PNPLA6: variants seen among roughly 807,000 people sequenced by gnomAD.
PNPLA6 encodes the protein patatin like domain 6, lysophospholipase.
PNPLA6 carries 105 observed loss-of-function variants against 153.7 expected under a neutral mutation model. The ratio of observed to expected loss-of-function variants is 0.68; its 90% CI spans 0.58 to 0.80. The LOEUF (loss-of-function observed/expected upper bound fraction) is 0.80, where lower values mean the gene tolerates loss of function less well. PNPLA6 is among the 30% of genes least tolerant of loss of function. PNPLA6 has a pLI of 0.00. For synonymous variants in PNPLA6, 825 were observed against 822.2 expected, an observed-to-expected ratio of 1.00 and a Z score of -0.06; for missense variants, 1,423 against 1,919.3, an observed-to-expected ratio of 0.74 and a Z score of 4.83.
rs145668551 is a variant in PNPLA6, at chr19:7,546,287, G to A, written c.1608+3203G>A. On this transcript the variant is annotated intron_variant, in intron 13 of 31. Coordinates refer to ENST00000600737, the MANE Select transcript of PNPLA6 (RefSeq NM_001166114.2). The stretch of plus-strand genomic sequence containing the variant: ...ACAATATTTTTTGGGGGGGTGTAAT[G>A]GTTTTATTGAGCTATAATTCATGTA... 2.0e-4 allele frequency among the ~76,000 whole-genome samples: 31 copies of A among 152,174 alleles called. No homozygotes were observed. In the East Asian group the frequency reaches 6.0e-3, roughly 30 times the overall value.
Position 7,536,364 on chromosome 19 carries a change from C to T in PNPLA6, c.316-85C>T, listed in dbSNP as rs535538604. 1.1e-5 allele frequency: 16 copies of T among 1,406,212 alleles called. No individual in the cohort carries two copies. The Middle Eastern group carries it at 7.1e-4, about 62-fold the overall frequency. 87.1% of individuals were successfully genotyped at this position (1,406,212 alleles called of 1,614,324 possible). A position where few individuals can be genotyped will look rare whatever the true frequency, so the allele number is the denominator to read the frequency against. On this transcript the variant is annotated intron_variant, in intron 2 of 31. Transcript: ENST00000600737. ...TTCTTAGTGTCCGCCACCGCTCCTT[C>T]CTTGATGGAGACCCCCTGGATCCGT...
chr19:7,548,370 TAAAGA>T (rs1228752895), intron 13 of PNPLA6, among the ~76,000 whole-genome samples: 2 of 136,904 alleles, frequency 1.5e-5, no homozygotes, highest in East Asian at 4.4e-4. Flanking sequence ...AAAACCCCAC[TAAAGA>T]TAGCTGATGA....
intron 1 of PNPLA6, 21 bp from the exon 2 acceptor site, chr19:7,536,170 C>A (rs1279186423): frequency 6.4e-7 from 1 of 1,562,072 alleles, no homozygotes; most frequent in South Asian, 1.1e-5. Context: ...TCGGAGTGCC[C>A]CTGTCCCCAC....
At chr19:7,543,201 C>T (rs2146062589) in intron 13 of PNPLA6, 117 bp downstream of exon 13, 3 of 891,504 alleles carry the variant, frequency 3.4e-6, no homozygotes, top group Non-Finnish European at 5.5e-6. Context: ...TAGAAGCAGA[C>T]CTCTCTCATC....
rs370676290 is a variant in PNPLA6, at chr19:7,557,163, C to T, written c.3281-5C>T. 72 of 1,606,294 alleles carry T rather than the reference C, an allele frequency of 4.5e-5. No individual in the cohort carries two copies. The Admixed American group carries it at 1.1e-3, about 24-fold the overall frequency. On this transcript the variant is annotated splice_region_variant and splice_polypyrimidine_tract_variant and intron_variant, in intron 26 of 31. Transcript: ENST00000600737. ...GTGTTTGTGTCTGTGTGTCCCACCG[C>T]GCAGGCTCCCTGTGGCGGTACGTGC...
chr19:7,538,182 T>A (rs1013248869), intron 3 of PNPLA6, among the ~76,000 whole-genome samples: 1 of 151,788 alleles, frequency 6.6e-6, no homozygotes, highest in African/African-American at 2.4e-5. Context: ...CAATTATAAT[T>A]ATTATTATTA....
intron 3 of PNPLA6, among the ~76,000 whole-genome samples, chr19:7,538,327 T>C (rs576878299): frequency 2.0e-5 from 3 of 152,176 alleles, no homozygotes; most frequent in Admixed American, 1.3e-4. Context: ...ACCATGGGCA[T>C]GCACCACCAT....
At position 7,551,352 on chromosome 19, in the gene PNPLA6, A is replaced by C; in HGVS notation, c.2185-10A>C. The stretch of plus-strand genomic sequence containing the variant: ...GGTCTCACTGAAATGCCGGCCTCCA[A>C]CGCCCCCAGGTCGTGACCCGCCTTA... On this transcript the variant is annotated splice_polypyrimidine_tract_variant and intron_variant, in intron 17 of 31. Transcript: ENST00000600737. The C allele has an allele frequency of 6.2e-7, 1 of 1,613,660 alleles. No individual in the cohort carries two copies. The highest frequency in any genetic ancestry group is 1.1e-5 in the South Asian group (1 of 91,078).
chr19:7,536,954 A>G (rs1441873879), intron 3 of PNPLA6, among the ~76,000 whole-genome samples: 1 of 145,032 alleles, frequency 6.9e-6, no homozygotes, highest in Non-Finnish European at 1.5e-5. Flanking sequence ...AAAAAAAAAG[A>G]AGAAGAAGAA....
chr19:7,542,649 G>A lies in PNPLA6; in HGVS notation c.1341G>A (p.Gly447=), dbSNP rs775254099. 6.2e-7 allele frequency: 1 copy of A among 1,613,180 alleles called. No individual in the cohort carries two copies. The highest frequency in any genetic ancestry group is 8.5e-7 in the Non-Finnish European group (1 of 1,179,830). ...CCCTGCAGGAAGAGGCCTCCGGGGG[G>A]TCCCTGGCAGCCCCCGCTCGGGTAA... is the stretch of plus-strand genomic sequence containing the variant. ...SVSLQEEASG[G]SLAAPARTPT... The change falls in exon 11 of 32, where the codon GGG becomes GGA. Residue 447 remains glycine, a synonymous_variant. Coordinates refer to ENST00000600737, the MANE Select transcript of PNPLA6 (RefSeq NM_001166114.2).
intron 13 of PNPLA6, among the ~76,000 whole-genome samples, chr19:7,546,565 T>C (rs1408107764): frequency 6.6e-6 from 1 of 152,160 alleles, no homozygotes; most frequent in Non-Finnish European, 1.5e-5. Context: ...CACCTGGCCA[T>C]GCCCACCTAA....
chr19:7,534,170 G>T, upstream of PNPLA6: 1 of 379,568 alleles, frequency 2.6e-6, no homozygotes, highest in South Asian at 2.4e-5. Context: ...ATTTAAAGGG[G>T]CCGTGCCTGC....
At chr19:7,535,019 G>T (rs1234448003), upstream of PNPLA6, 2 of 170,620 alleles carry the variant, frequency 1.2e-5, no homozygotes, top group Non-Finnish European at 2.6e-5. This position sits in a 1 kb window ranked among gnomAD's most constrained non-coding sequence, Gnocchi z 5.0. Flanking sequence ...CCCACTCCCG[G>T]ACCCCACGGT....
rs561526950 is a variant in PNPLA6 at position 7,561,570 on chromosome 19, G to C, written c.*8G>C. The C allele has an allele frequency of 1.9e-6, 3 of 1,583,312 alleles. No homozygotes were observed. Among genetic ancestry groups the C allele is most frequent in the Non-Finnish European group, 2.6e-6 (3 of 1,165,946 alleles). On this transcript the variant is annotated 3_prime_UTR_variant, in exon 32 of 32. Coordinates refer to ENST00000600737, the MANE Select transcript of PNPLA6 (RefSeq NM_001166114.2). ...TCAGCCACAGATGCCTGAGGACCTC[G>C]ACAGGGGTCACCCCCTCCCTCCCAC...
In PNPLA6 at chr19:7,540,168, A is replaced by G; in HGVS notation, c.574A>G (p.Lys192Glu). 1 of 1,611,474 alleles carries G rather than the reference A, an allele frequency of 6.2e-7. No individual in the cohort carries two copies. The highest frequency in any genetic ancestry group is 8.5e-7 in the Non-Finnish European group (1 of 1,179,982). ...CAACAGGGTGCTGGGCCACTTCGAG[A>G]AGCCACTCTTCCTGGAGCTCTGCCG... is the stretch of plus-strand genomic sequence containing the variant. ...KNVRVLGHFE[K>E]PLFLELCRHM... The change falls in exon 5 of 32, where the codon AAG becomes GAG. Residue 192 changes from lysine to glutamate, a missense_variant. By Grantham distance (56) the Lys-to-Glu change is moderately conservative (BLOSUM62 1). This residue lies in a region of PNPLA6 where 74 missense variants were observed against 171.3 expected (regional missense o/e 0.43). Coordinates refer to ENST00000600737, the MANE Select transcript of PNPLA6 (RefSeq NM_001166114.2). The surrounding 1 kb of genome is among the most constrained non-coding windows in gnomAD (Gnocchi z 6.8).
chr19:7,541,602 C>T lies in PNPLA6; in HGVS notation c.1086C>T (p.Val362=). The T allele has an allele frequency of 1.3e-6, 2 of 1,594,268 alleles. No homozygotes were observed. The highest frequency in any genetic ancestry group is 2.3e-5 in the East Asian group (1 of 43,834). ...CTGTGCGGGGCTCCAAGAGAATGGT[C>T]AGCACCTCAGCTACAGACGAGCCCA... ...TSPVRGSKRM[V]STSATDEPRE... The change falls in exon 9 of 32, where the codon GTC becomes GTT. Residue 362 remains valine (V), a synonymous_variant. Coordinates refer to ENST00000600737, the MANE Select transcript of PNPLA6 (RefSeq NM_001166114.2). The surrounding 1 kb of genome is among the most constrained non-coding windows in gnomAD (Gnocchi z 5.2).
At position 7,555,024 on chromosome 19, in the gene PNPLA6, GCACCTGCGCT is replaced by G; in HGVS notation, c.2767_2776del (p.His923ValfsTer48). 1 of 1,593,636 alleles carries G rather than the reference GCACCTGCGCT, an allele frequency of 6.3e-7. No homozygotes were observed. The highest frequency in any genetic ancestry group is 8.5e-7 in the Non-Finnish European group (1 of 1,178,244). On this transcript the variant is annotated frameshift_variant, in exon 22 of 32. Coordinates refer to ENST00000600737, the MANE Select transcript of PNPLA6 (RefSeq NM_001166114.2). LOFTEE classifies it high-confidence loss of function. The surrounding 1 kb of genome is among the most constrained non-coding windows in gnomAD (Gnocchi z 6.3). ...TGCGCAGCTGGTGCTCGGGGCACCT[GCACCTGCGCT>G]GTCCGCGCCGCCTCTTTTCGCGCCG...
intron 3 of PNPLA6, among the ~76,000 whole-genome samples, chr19:7,539,466 G>A (rs929424265): frequency 4.1e-5 from 6 of 144,622 alleles, no homozygotes; most frequent in South Asian, 2.2e-4. Flanking sequence ...GTAAAAGAGC[G>A]AGACTCCTGA....
intron 16 of PNPLA6, 169 bp from the exon 17 acceptor site, chr19:7,550,825 C>G: frequency 1.1e-6 from 1 of 917,104 alleles, no homozygotes; most frequent in Non-Finnish European, 1.7e-6. Flanking sequence ...GTCGTGGATC[C>G]CTGTCCTCTC....
Sources: allele counts gnomAD v4.1 joint callset (sites outside exome capture counted in the v4.1 genomes callset), GRCh38; gene constraint gnomAD v4.1.1; regional missense constraint gnomAD v4.1.1; non-coding constraint Gnocchi (gnomAD v3.1); transcripts MANE v1.5; gene names NCBI Gene and HGNC (gene_info 2026-07-23, HGNC 2026-07-21).